The following FMO5 variants were observed in gnomAD, a reference collection of about 807,000 sequenced individuals.
FMO5 encodes the protein flavin-containing monooxygenase 5.
In FMO5, 51 loss-of-function variants were observed where a neutral mutation model predicts 43.6. That is an observed-to-expected ratio of 1.17 (90% CI 0.93 to 1.48). The LOEUF (loss-of-function observed/expected upper bound fraction) is 1.48, where lower values mean the gene tolerates loss of function less well. FMO5 is among the 40% of genes most tolerant of loss of function. The pLI is 0.00. For missense variants in FMO5, 644 were observed against 643.0 expected, an observed-to-expected ratio of 1.00 and a Z score of -0.02; for synonymous variants, 187 against 216.5, an observed-to-expected ratio of 0.86 and a Z score of 1.20.
rs187986094 is a variant in FMO5 at position 147,203,457 on chromosome 1, A to C, written c.831-1953T>G. The C allele has an allele frequency of 9.6e-6, 8 of 832,096 alleles. No homozygotes were observed. In the East Asian group the frequency reaches 1.9e-4, roughly 20 times the overall value. 51.5% of individuals were successfully genotyped at this position (832,096 alleles called of 1,614,324 possible). ...CACCAGCTTCCAACATGTCCGTTAC[A>C]GCAGGGACTACAGCCTCAGTATCTA... On this transcript the variant is annotated intron_variant, in intron 6 of 8. Transcript: ENST00000254090.
intron 7 of FMO5, among the ~76,000 whole-genome samples, chr1:147,191,194 T>C (rs1274165436): frequency 6.6e-6 from 1 of 152,194 alleles, no homozygotes; most frequent in African/African-American, 2.4e-5. Flanking sequence ...TTTGGGTATA[T>C]ACCCAGTAAT....
chr1:147,186,393 T>G lies in FMO5; in HGVS notation c.*507A>C, dbSNP rs1655626091. 1 of 890,724 alleles carries G rather than the reference T, an allele frequency of 1.1e-6. No homozygotes were observed. The allele number at this position is 890,724 out of a possible 1,614,324, so 55.2% of individuals were successfully genotyped here. On this transcript the variant is annotated 3_prime_UTR_variant, in exon 9 of 9. Coordinates refer to ENST00000254090, the MANE Select transcript of FMO5 (RefSeq NM_001461.4). ...TCTTAAGCATCTATATGTCTTATCT[T>G]AGATACATACAACTATTGTAGGAAC...
intron 5 of FMO5, chr1:147,210,746 A>G (rs1197855833): frequency 1.3e-5 from 2 of 152,214 alleles, no homozygotes; most frequent in African/African-American, 4.8e-5. Flanking sequence ...GGTGTGGTAT[A>G]TAGTAAACAC....
At chr1:147,211,573 A>G (rs948558658) in intron 5 of FMO5, 4 of 152,234 alleles carry the variant, frequency 2.6e-5, no homozygotes, top group Admixed American at 2.6e-4. Context: ...AAACATCTTT[A>G]TAGAGAAGCA....
rs1277082446 is a variant in FMO5, at chr1:147,217,797, C to A, written c.136-1855G>T. ...ATTTTAGATGTTTTCCCATTTCCTG[C>A]AGAATAAAGTTCCTATTTCTCAGCT... On this transcript the variant is annotated intron_variant, in intron 2 of 8. Transcript: ENST00000254090. 2.6e-5 allele frequency among the ~76,000 whole-genome samples: 4 copies of A among 152,300 alleles called. No individual in the cohort carries two copies. In the East Asian group the frequency reaches 7.7e-4, roughly 29 times the overall value.
At chr1:147,190,702 C>A (rs1409871832) in intron 7 of FMO5, among the ~76,000 whole-genome samples, 2 of 151,906 alleles carry the variant, frequency 1.3e-5, no homozygotes, top group African/African-American at 4.8e-5. Flanking sequence ...TATTATTATA[C>A]CTTAAGTTTT....
intron 2 of FMO5, 150 bp downstream of exon 2, chr1:147,224,745 C>G: frequency 2.9e-6 from 2 of 682,256 alleles, no homozygotes; most frequent in East Asian, 2.7e-5. Flanking sequence ...CGCCTGACCT[C>G]GTGATCCGCC....
intron 7 of FMO5, among the ~76,000 whole-genome samples, chr1:147,197,979 G>C (rs1561880): frequency 0.038 from 5,749 of 152,298 alleles, 123 homozygotes; most frequent in African/African-American, 0.05. Flanking sequence ...GGAAGGAAGA[G>C]AGTCTGAATT....
chr1:147,190,051 C>CT lies in FMO5; in HGVS notation c.1256+125dup. 7 of 603,110 alleles carry CT rather than the reference C, an allele frequency of 1.2e-5. 1 individual carries two copies. The South Asian group carries it at 2.0e-4, about 17-fold the overall frequency. The allele number at this position is 603,110 out of a possible 1,614,324, so 37.4% of individuals were successfully genotyped here. On this transcript the variant is annotated intron_variant, in intron 8 of 8. Coordinates refer to ENST00000254090, the MANE Select transcript of FMO5 (RefSeq NM_001461.4). ...ATTCTATTGTCACAAATTATTTTTC[C>CT]TTTTTTCTTCATAATAGAATCTAAA...
At chr1:147,219,732 C>A (rs1662657703) in intron 2 of FMO5, among the ~76,000 whole-genome samples, 1 of 149,596 alleles carries the variant, frequency 6.7e-6, no homozygotes, top group African/African-American at 2.5e-5. Flanking sequence ...GTAGAAAATC[C>A]CAAAGGATTA....
intron 7 of FMO5, among the ~76,000 whole-genome samples, chr1:147,197,683 C>A (rs1391512473): frequency 6.6e-6 from 1 of 152,106 alleles, no homozygotes; most frequent in African/African-American, 2.4e-5. Flanking sequence ...TTCCTGAGGC[C>A]TCCCCAGCCA....
In FMO5 at chr1:147,191,567, G is replaced by A. The variant is rs587680306; in HGVS notation, c.1184-1318C>T. Among the ~76,000 whole-genome samples, 44 of 152,016 alleles carry A rather than the reference G, an allele frequency of 2.9e-4. 1 individual carries two copies. Among genetic ancestry groups the A allele is most frequent in the African/African-American group, 1.1e-3 (44 of 41,380 alleles). ...TCTTATAAACTTGTTTGAGTTCATTGTAGATTCTGGATATTAGCCCTTTGT... is the reference window on the plus strand; with the variant it reads ...TCTTATAAACTTGTTTGAGTTCATTATAGATTCTGGATATTAGCCCTTTGT... On this transcript the variant is annotated intron_variant, in intron 7 of 8. Coordinates refer to ENST00000254090, the MANE Select transcript of FMO5 (RefSeq NM_001461.4).
intron 3 of FMO5, chr1:147,214,717 G>A (rs1340800345): frequency 6.6e-6 from 1 of 151,886 alleles, no homozygotes; most frequent in Admixed American, 6.6e-5. Flanking sequence ...GAGCTGCAAC[G>A]TATAGATCTC....
At chr1:147,204,790 C>T (rs1380702918) in intron 6 of FMO5, 2 of 1,588,166 alleles carry the variant, frequency 1.3e-6, no homozygotes, top group Non-Finnish European at 1.7e-6. Flanking sequence ...TCCATTTCGT[C>T]CATATGCTGT....
chr1:147,208,797 G>C, intron 6 of FMO5, 55 bp downstream of exon 6: 1 of 1,447,976 alleles, frequency 6.9e-7, no homozygotes, highest in Non-Finnish European at 9.7e-7. Context: ...AGTGTGAAGA[G>C]TCCTTATTCT....
chr1:147,215,779 T>G lies in FMO5; in HGVS notation c.299A>C (p.Asp100Ala), dbSNP rs782594931. ...CTTAAATCGAATATACTTTAGAAGG[T>G]CAAATTCTTTGGCATACATCCTGAA... ...EYFRMYAKEF[D>A]LLKYIRFKTT... Residue 100 changes from aspartate to alanine, a missense_variant, in exon 3 of 9, where the codon GAC (aspartate) becomes GCC (alanine). By Grantham distance (126) the Asp-to-Ala change is moderately radical. Transcript: ENST00000254090. The G allele has an allele frequency of 6.2e-7, 1 of 1,608,876 alleles. No individual in the cohort carries two copies. Among genetic ancestry groups the G allele is most frequent in the Non-Finnish European group, 8.5e-7 (1 of 1,178,596 alleles).
chr1:147,192,719 G>A (rs1657118473), intron 7 of FMO5, among the ~76,000 whole-genome samples: 1 of 152,138 alleles, frequency 6.6e-6, no homozygotes. Context: ...TTTTTAGCAT[G>A]AAGTGTTGTT....
At chr1:147,200,740 A>G (rs587723770) in intron 7 of FMO5, among the ~76,000 whole-genome samples, 1 of 152,274 alleles carries the variant, frequency 6.6e-6, no homozygotes, top group South Asian at 2.1e-4. Flanking sequence ...TACTATTTCT[A>G]TATTTTATTT....
chr1:147,192,661 C>G (rs1388120264), intron 7 of FMO5, among the ~76,000 whole-genome samples: 5 of 152,050 alleles, frequency 3.3e-5, no homozygotes, highest in Non-Finnish European at 7.4e-5. Flanking sequence ...TCATAGGTAG[C>G]TCTTATTATT....
Sources: allele counts gnomAD v4.1 joint callset (sites outside exome capture counted in the v4.1 genomes callset), GRCh38; gene constraint gnomAD v4.1.1; transcripts MANE v1.5; gene names NCBI Gene and HGNC (gene_info 2026-07-23, HGNC 2026-07-21).